Variants in CDC42SE2 observed in about 807,000 individuals in gnomAD.
CDC42SE2 encodes the protein CDC42 small effector 2.
Under a neutral mutation model 11.5 loss-of-function variants are expected in CDC42SE2, and 3 were observed. The observed-to-expected ratio is 0.26, with a 90% CI of 0.12 to 0.67. The LOEUF is 0.67. Ranked by LOEUF, CDC42SE2 falls within the 30% of genes least tolerant of loss-of-function variation. The pLI, the probability that CDC42SE2 is intolerant of heterozygous loss-of-function variation, is 0.80. For synonymous variants in CDC42SE2, 33 were observed against 34.8 expected (o/e 0.95, Z 0.18); for missense variants, 82 against 106.8 (o/e 0.77, Z 1.02).
chr5:131,284,495 C>G (rs1005479973), intron 1 of CDC42SE2, among the ~76,000 whole-genome samples: 1 of 152,054 alleles, frequency 6.6e-6, no homozygotes, highest in Non-Finnish European at 1.5e-5. Flanking sequence ...TTTTAATTTT[C>G]TTAGTCTCCT....
intron 2 of CDC42SE2, among the ~76,000 whole-genome samples, chr5:131,337,085 G>A (rs1488406477): frequency 4.6e-5 from 7 of 152,072 alleles, no homozygotes; most frequent in South Asian, 2.1e-4. Flanking sequence ...TGTTTTTTCC[G>A]CATCTTTGTG....
the CDC42SE2 span, among the ~76,000 whole-genome samples, chr5:131,218,955 C>T: frequency 6.6e-6 from 1 of 152,116 alleles, no homozygotes; most frequent in African/African-American, 2.4e-5. Flanking sequence ...TAAAGCCAAT[C>T]TATGTCTTAG....
Position 131,386,226 on chromosome 5 carries a change from G to A in CDC42SE2, c.156+582G>A, listed in dbSNP as rs143985130. On this transcript the variant is annotated intron_variant, in intron 4 of 4. Transcript: ENST00000505065. ...AACCAAATCCTTGCATGTGCAGTTC[G>A]CAATAGGGTTTGTGCTCCTATGAGA... Among the ~76,000 whole-genome samples the A allele has an allele frequency of 4.2e-3, 632 of 152,286 alleles. 5 individuals carry two copies. Among genetic ancestry groups the A allele is most frequent in the African/African-American group, 0.013 (543 of 41,556 alleles).
chr5:131,243,773 A>G (rs1295077922), upstream of CDC42SE2, among the ~76,000 whole-genome samples: 1 of 152,164 alleles, frequency 6.6e-6, no homozygotes, highest in Non-Finnish European at 1.5e-5. Context: ...GTAACTTCTG[A>G]TTTAGCCCAG....
chr5:131,314,458 C>A (rs1431231303), intron 1 of CDC42SE2, among the ~76,000 whole-genome samples: 1 of 152,060 alleles, frequency 6.6e-6, no homozygotes, highest in East Asian at 1.9e-4. Context: ...CCAGGCTGGT[C>A]TTAAAATCCT....
intron 1 of CDC42SE2, among the ~76,000 whole-genome samples, chr5:131,310,157 C>G (rs909833428): frequency 6.6e-6 from 1 of 151,762 alleles, no homozygotes; most frequent in African/African-American, 2.4e-5. Context: ...TCTTTGTTCT[C>G]GTTGGTTTCA....
At chr5:131,226,448 A>C in the CDC42SE2 span, among the ~76,000 whole-genome samples, 2 of 152,232 alleles carry the variant, frequency 1.3e-5, no homozygotes, top group Admixed American at 1.3e-4. Context: ...CTGAAGGAAT[A>C]ATCCTGATAC....
the CDC42SE2 span, among the ~76,000 whole-genome samples, chr5:131,222,926 TC>T: frequency 6.6e-6 from 1 of 152,250 alleles, no homozygotes; most frequent in Non-Finnish European, 1.5e-5. Context: ...TTCAGCTTTG[TC>T]CTAGATTCAA....
At chr5:131,263,305 C>T (rs558350950), upstream of CDC42SE2, among the ~76,000 whole-genome samples, 2 of 152,216 alleles carry the variant, frequency 1.3e-5, no homozygotes, top group East Asian at 3.9e-4. Flanking sequence ...ACATTACTTA[C>T]AGGTTCGAGA....
intron 1 of CDC42SE2, among the ~76,000 whole-genome samples, chr5:131,274,373 A>C (rs1222084881): frequency 6.6e-6 from 1 of 152,172 alleles, no homozygotes; most frequent in Non-Finnish European, 1.5e-5. Context: ...CATGTGATTC[A>C]AATAATTAGC....
chr5:131,248,355 G>C (rs1390775812), intron 1 of CDC42SE2, among the ~76,000 whole-genome samples: 2 of 151,816 alleles, frequency 1.3e-5, no homozygotes, highest in African/African-American at 4.8e-5. Flanking sequence ...GGTCAGGCTG[G>C]TCTCAGACTC....
chr5:131,280,092 C>T (rs549520834), intron 1 of CDC42SE2, among the ~76,000 whole-genome samples: 3 of 152,142 alleles, frequency 2.0e-5, no homozygotes, highest in South Asian at 2.1e-4. Context: ...TTAGTTGGCT[C>T]GGGAGTTTAT....
chr5:131,373,106 G>A (rs532565127), intron 3 of CDC42SE2, among the ~76,000 whole-genome samples: 3 of 152,086 alleles, frequency 2.0e-5, no homozygotes, highest in East Asian at 3.9e-4. Flanking sequence ...TTGATTTGAC[G>A]TTAGTTACCA....
chr5:131,385,872 C>T (rs890739651), intron 4 of CDC42SE2, among the ~76,000 whole-genome samples: 2 of 152,222 alleles, frequency 1.3e-5, no homozygotes, highest in Non-Finnish European at 2.9e-5. Context: ...CGCAACTCTT[C>T]ATAGCTGCCT....
intron 1 of CDC42SE2, among the ~76,000 whole-genome samples, chr5:131,311,383 C>G (rs1011564033): frequency 6.6e-6 from 1 of 151,926 alleles, no homozygotes; most frequent in Non-Finnish European, 1.5e-5. Context: ...ATATTTTTTC[C>G]TTGATTTCAA....
At chr5:131,318,373 A>T (rs1327983905) in intron 2 of CDC42SE2, among the ~76,000 whole-genome samples, 1 of 152,198 alleles carries the variant, frequency 6.6e-6, no homozygotes, top group South Asian at 2.1e-4. Flanking sequence ...GCTGTATTTC[A>T]TATATATTTT....
At chr5:131,303,421 T>C (rs1757722543) in intron 1 of CDC42SE2, among the ~76,000 whole-genome samples, 1 of 152,246 alleles carries the variant, frequency 6.6e-6, no homozygotes, top group Non-Finnish European at 1.5e-5. Flanking sequence ...TACTGTTTCT[T>C]GAGGAAAAGT....
chr5:131,234,591 G>A, the CDC42SE2 span, among the ~76,000 whole-genome samples: 5 of 150,688 alleles, frequency 3.3e-5, no homozygotes, highest in African/African-American at 7.3e-5. Flanking sequence ...TGCCAAGATC[G>A]TGCCACTGCA....
chr5:131,285,123 G>GAA (rs1018067896), intron 1 of CDC42SE2, among the ~76,000 whole-genome samples: 2 of 139,458 alleles, frequency 1.4e-5, no homozygotes, highest in African/African-American at 5.3e-5. Context: ...CCCTGTCTCT[G>GAA]AAAAAAAAAA....
Sources: gnomAD v4.1 joint callset for allele counts (sites outside exome capture counted in the v4.1 genomes callset) on GRCh38, gnomAD v4.1.1 for gene constraint, MANE v1.5 for transcripts, NCBI Gene and HGNC (gene_info 2026-07-23, HGNC 2026-07-21) for gene names.